Variants in GTF2F2 observed in about 807,000 individuals in gnomAD.
GTF2F2 encodes general transcription factor IIF subunit 2.
GTF2F2 carries 23 observed loss-of-function variants against 42.2 expected under a neutral mutation model. That is an observed-to-expected ratio of 0.55 (90% CI 0.39 to 0.77). The LOEUF is 0.77. Among genes scored for constraint, GTF2F2 ranks in the 30% least tolerant of loss-of-function variants. The pLI is 0.00. For synonymous variants in GTF2F2, 105 were observed against 100.8 expected (o/e 1.04, Z -0.25); for missense variants, 261 against 287.2 (o/e 0.91, Z 0.66).
At chr13:45,161,316 A>G (rs964685711) in intron 4 of GTF2F2, among the ~76,000 whole-genome samples, 2 of 152,164 alleles carry the variant, frequency 1.3e-5, no homozygotes, top group Admixed American at 6.5e-5. Context: ...TGGACACCCA[A>G]ATGATCTTGA....
chr13:45,186,276 A>AT (rs1292377624), intron 4 of GTF2F2, among the ~76,000 whole-genome samples: 45,071 of 133,390 alleles, frequency 0.34, 9,107 homozygotes, highest in African/African-American at 0.59. Flanking sequence ...CACCTGGCCT[A>AT]TTTTTTTTTT....
chr13:45,150,664 C>CTTTTTTTTTTTTTTTT lies in GTF2F2; in HGVS notation c.159+889_159+890insTTTTTTTTTTTTTTTT, dbSNP rs368061537. On this transcript the variant is annotated intron_variant, in intron 3 of 7. Coordinates refer to ENST00000340473, the MANE Select transcript of GTF2F2 (RefSeq NM_004128.3). ...ATTTTAGGGAAAAAAAAAAAATCATCTTTTTTTTTTTTTGAGATGGAGTCT... is the reference window on the plus strand; with the variant it reads ...ATTTTAGGGAAAAAAAAAAAATCATCTTTTTTTTTTTTTTTTTTTTTTTTTTTTTGAGATGGAGTCT... Among the ~76,000 whole-genome samples, 59 of 122,448 alleles carry CTTTTTTTTTTTTTTTT rather than the reference C, an allele frequency of 4.8e-4. 2 individuals carry two copies. Among genetic ancestry groups the CTTTTTTTTTTTTTTTT allele is most frequent in the African/African-American group, 2.1e-3 (55 of 26,782 alleles). 80.3% of individuals were successfully genotyped at this position (122,448 alleles called of 152,430 possible).
chr13:45,138,142 T>G (rs1312477907), intron 2 of GTF2F2, among the ~76,000 whole-genome samples: 2 of 152,204 alleles, frequency 1.3e-5, no homozygotes, highest in African/African-American at 4.8e-5. Context: ...TGGCTGTTCC[T>G]TCTTAGTTTC....
At chr13:45,125,529 A>G (rs1868945275) in intron 1 of GTF2F2, among the ~76,000 whole-genome samples, 1 of 152,132 alleles carries the variant, frequency 6.6e-6, no homozygotes, top group Non-Finnish European at 1.5e-5. Flanking sequence ...TGTGTTGGCC[A>G]GGATGGTCTC....
At chr13:45,274,906 T>C (rs1876965069) in intron 7 of GTF2F2, among the ~76,000 whole-genome samples, 1 of 151,816 alleles carries the variant, frequency 6.6e-6, no homozygotes, top group Admixed American at 6.6e-5. Flanking sequence ...AGGGAGACCC[T>C]GTCTCAAAAA....
chr13:45,146,551 G>A (rs548226460), intron 2 of GTF2F2, among the ~76,000 whole-genome samples: 1 of 152,204 alleles, frequency 6.6e-6, no homozygotes, highest in South Asian at 2.1e-4. Flanking sequence ...TAATGATATT[G>A]TTTTATTAAC....
At chr13:45,256,118 C>T (rs920664370) in intron 6 of GTF2F2, among the ~76,000 whole-genome samples, 9 of 152,070 alleles carry the variant, frequency 5.9e-5, no homozygotes, top group African/African-American at 1.7e-4. Flanking sequence ...GTAGGATCTA[C>T]GTGATTTTAT....
At chr13:45,156,035 A>G (rs1034371855) in intron 4 of GTF2F2, among the ~76,000 whole-genome samples, 65 of 152,154 alleles carry the variant, frequency 4.3e-4, no homozygotes, top group African/African-American at 1.4e-3. Flanking sequence ...TCTGGGCCCA[A>G]GTGATCCTCC....
At chr13:45,132,431 G>GTT (rs1869408176) in intron 1 of GTF2F2, among the ~76,000 whole-genome samples, 1 of 141,066 alleles carries the variant, frequency 7.1e-6, no homozygotes. Context: ...CTTGTCATTA[G>GTT]TGTTTTTTTT....
chr13:45,263,463 C>T (rs1160545493), intron 6 of GTF2F2, among the ~76,000 whole-genome samples: 3 of 151,874 alleles, frequency 2.0e-5, no homozygotes, highest in East Asian at 1.9e-4. Context: ...CTCCTGACCT[C>T]GTGATCTGCC....
intron 5 of GTF2F2, among the ~76,000 whole-genome samples, chr13:45,233,453 T>C (rs1874791225): frequency 6.6e-6 from 1 of 152,182 alleles, no homozygotes; most frequent in African/African-American, 2.4e-5. Flanking sequence ...CTAACTCAGT[T>C]GTTGAATGGC....
At chr13:45,280,852 C>T (rs1282629329) in intron 7 of GTF2F2, among the ~76,000 whole-genome samples, 7 of 152,154 alleles carry the variant, frequency 4.6e-5, no homozygotes, top group Non-Finnish European at 1.0e-4. Context: ...ATGCTCCTGG[C>T]AATTGTTCTT....
intron 4 of GTF2F2, among the ~76,000 whole-genome samples, chr13:45,203,479 C>T (rs1388109444): frequency 6.6e-6 from 1 of 152,156 alleles, no homozygotes; most frequent in East Asian, 1.9e-4. Context: ...TCTTTCTAGA[C>T]TCCTGTGCTT....
chr13:45,264,630 A>C (rs1437332983), intron 6 of GTF2F2, among the ~76,000 whole-genome samples: 1 of 152,136 alleles, frequency 6.6e-6, no homozygotes, highest in East Asian at 1.9e-4. Flanking sequence ...CATTAATGTT[A>C]CTAATTACAA....
intron 4 of GTF2F2, among the ~76,000 whole-genome samples, chr13:45,199,915 CAGG>C (rs1317524117): frequency 6.6e-6 from 1 of 152,094 alleles, no homozygotes; most frequent in African/African-American, 2.4e-5. Flanking sequence ...AGGATCTGAA[CAGG>C]AGAACAGGAT....
rs148520237 is a variant in GTF2F2, at chr13:45,149,794, ATTAT to A, written c.159+11_159+14del. On this transcript the variant is annotated splice_region_variant and intron_variant, in intron 3 of 7. Coordinates refer to ENST00000340473, the MANE Select transcript of GTF2F2 (RefSeq NM_004128.3). The stretch of plus-strand genomic sequence containing the variant: ...GGACTCAAGGAAGGACTGAGGTAAG[ATTAT>A]TTATATGGAAATTTTAGTTAAAACT... The A allele has an allele frequency of 3.1e-3, 4,573 of 1,497,944 alleles. 80 individuals carry two copies. The African/African-American group carries it at 0.035, about 11-fold the overall frequency. 92.8% of individuals were successfully genotyped at this position (1,497,944 alleles called of 1,614,324 possible).
intron 7 of GTF2F2, among the ~76,000 whole-genome samples, chr13:45,268,118 T>A (rs1226616915): frequency 6.6e-6 from 1 of 152,148 alleles, no homozygotes; most frequent in Non-Finnish European, 1.5e-5. Flanking sequence ...TTTAACTTTC[T>A]CCACCACATG....
chr13:45,182,427 C>T (rs1054688130), intron 4 of GTF2F2, among the ~76,000 whole-genome samples: 3 of 152,068 alleles, frequency 2.0e-5, no homozygotes, highest in Non-Finnish European at 2.9e-5. Context: ...TCACTCCTTC[C>T]CAGATGACTC....
At chr13:45,134,953 CTT>C (rs879506133) in intron 1 of GTF2F2, among the ~76,000 whole-genome samples, 71 of 142,596 alleles carry the variant, frequency 5.0e-4, no homozygotes, top group Admixed American at 3.5e-4. Flanking sequence ...TATTGTCTAA[CTT>C]TTTTTTTTTT....
Sources: allele counts gnomAD v4.1 joint callset (sites outside exome capture counted in the v4.1 genomes callset), GRCh38; gene constraint gnomAD v4.1.1; transcripts MANE v1.5; gene names NCBI Gene and HGNC (gene_info 2026-07-23, HGNC 2026-07-21).